ARL13B: variants seen among roughly 807,000 people sequenced by gnomAD.
ARL13B encodes the protein ADP-ribosylation factor-like protein 13B.
Under a neutral mutation model 56.1 loss-of-function variants are expected in ARL13B, and 36 were observed. The ratio of observed to expected loss-of-function variants is 0.64; its 90% CI spans 0.49 to 0.85. The LOEUF (loss-of-function observed/expected upper bound fraction) is 0.85, where lower values mean the gene tolerates loss of function less well. Among genes scored for constraint, ARL13B ranks in the 40% least tolerant of loss-of-function variants. The pLI is 0.00. For synonymous variants in ARL13B, 178 were observed against 171.1 expected, an observed-to-expected ratio of 1.04 and a Z score of -0.32; for missense variants, 519 against 507.1, an observed-to-expected ratio of 1.02 and a Z score of -0.23.
chr3:94,029,331 TATATTTATTTTTTTTTTA>T (rs2076624220), intron 3 of ARL13B, among the ~76,000 whole-genome samples: 1 of 93,768 alleles, frequency 1.1e-5, no homozygotes, highest in Non-Finnish European at 2.0e-5. Flanking sequence ...TATATATATA[TATATTTATTTTTTTTTTA>T]TTTTTTTTTT....
chr3:94,031,307 A>G (rs1436665352), intron 3 of ARL13B, among the ~76,000 whole-genome samples: 3 of 152,070 alleles, frequency 2.0e-5, no homozygotes, highest in East Asian at 1.9e-4. Context: ...GAATAAAACT[A>G]TTTCCTAGCT....
At chr3:94,005,960 G>T (rs865942150) in intron 3 of ARL13B, among the ~76,000 whole-genome samples, 2 of 152,216 alleles carry the variant, frequency 1.3e-5, no homozygotes, top group Middle Eastern at 3.4e-3. Context: ...AATTTCCTAT[G>T]CATGTATATT....
rs773195016 is a variant in ARL13B at position 94,055,355 on chromosome 3, A to G, written c.*2092A>G. 29 of 439,236 alleles carry G rather than the reference A, an allele frequency of 6.6e-5. No individual in the cohort carries two copies. The highest frequency in any genetic ancestry group is 1.3e-4 in the Non-Finnish European group (28 of 218,728). 27.2% of individuals were successfully genotyped at this position (439,236 alleles called of 1,614,324 possible). A position where few individuals can be genotyped will look rare whatever the true frequency, so the allele number is the denominator to read the frequency against. On this transcript the variant is annotated 3_prime_UTR_variant, in exon 10 of 10. Transcript: ENST00000394222. ...ATAAAATAGGTAAAGATTTTAAAAT[A>G]TGATTATTGAAAAACAGTTTAAATC...
intron 3 of ARL13B, among the ~76,000 whole-genome samples, chr3:94,017,138 G>C (rs1464600823): frequency 6.6e-6 from 1 of 152,174 alleles, no homozygotes; most frequent in Non-Finnish European, 1.5e-5. Context: ...GACTAGCATG[G>C]AAAGGATGAG....
At chr3:93,985,007 C>CTCAA (rs71621580) in intron 1 of ARL13B, among the ~76,000 whole-genome samples, 54,933 of 150,816 alleles carry the variant, frequency 0.36, 10,871 homozygotes, top group East Asian at 0.53. Context: ...GAAACCCTGT[C>CTCAA]TCAATCAATC....
chr3:94,051,945 G>A (rs1203129339), intron 9 of ARL13B, among the ~76,000 whole-genome samples: 1 of 151,132 alleles, frequency 6.6e-6, no homozygotes, highest in Non-Finnish European at 1.5e-5. Context: ...AGACAGAAAA[G>A]TTTGTCCTTA....
Position 93,995,861 on chromosome 3 carries a change from C to A in ARL13B, c.60-13C>A, listed in dbSNP as rs774779846. On this transcript the variant is annotated splice_polypyrimidine_tract_variant and intron_variant, in intron 1 of 9. Transcript: ENST00000394222. Reference sequence around the variant, plus strand: ...AACAAAGAAAGTGATTTTTAAATTTCTATTATTTTAAGAAAGGTGACTCTT... The same window carrying A: ...AACAAAGAAAGTGATTTTTAAATTTATATTATTTTAAGAAAGGTGACTCTT... 2 of 1,599,902 alleles carry A rather than the reference C, an allele frequency of 1.3e-6. 1 individual carries two copies. Among genetic ancestry groups the A allele is most frequent in the African/African-American group, 2.7e-5 (2 of 73,974 alleles).
intron 1 of ARL13B, among the ~76,000 whole-genome samples, chr3:93,991,812 G>T (rs2075881899): frequency 6.6e-6 from 1 of 152,172 alleles, no homozygotes; most frequent in Non-Finnish European, 1.5e-5. Flanking sequence ...TAAATTTAAT[G>T]CTTTGTTATC....
intron 1 of ARL13B, among the ~76,000 whole-genome samples, chr3:93,986,084 T>C (rs753397095): frequency 3.2e-4 from 48 of 152,344 alleles, no homozygotes; most frequent in South Asian, 1.0e-3. Context: ...GATTATCTAT[T>C]GTGCTGTATG....
At chr3:94,008,874 T>A (rs1392568003) in intron 3 of ARL13B, among the ~76,000 whole-genome samples, 3 of 152,182 alleles carry the variant, frequency 2.0e-5, no homozygotes, top group African/African-American at 7.2e-5. Context: ...TGGAGTTACA[T>A]GAACTACCTT....
chr3:94,008,681 G>A (rs895527865), intron 3 of ARL13B, among the ~76,000 whole-genome samples: 1 of 152,188 alleles, frequency 6.6e-6, no homozygotes, highest in East Asian at 1.9e-4. Flanking sequence ...TTAAAAGTTG[G>A]CCTCAGAGAG....
rs1219666551 is a variant in ARL13B, at chr3:94,033,696, T to C, written c.381-1635T>C. Among the ~76,000 whole-genome samples, 5 of 152,194 alleles carry C rather than the reference T, an allele frequency of 3.3e-5. No individual in the cohort carries two copies. The South Asian group carries it at 6.2e-4, about 19-fold the overall frequency. On this transcript the variant is annotated intron_variant, in intron 3 of 9. Coordinates refer to ENST00000394222, the MANE Select transcript of ARL13B (RefSeq NM_001174150.2). ...GAACTTTATTTTGGATGGATCAGGC[T>C]AAATGTAAATCCATTAGTTAATTTT...
At chr3:94,009,098 T>TAGAC (rs1285142110) in intron 3 of ARL13B, among the ~76,000 whole-genome samples, 1 of 151,622 alleles carries the variant, frequency 6.6e-6, no homozygotes, top group African/African-American at 2.4e-5. Context: ...GATAGATAGA[T>TAGAC]AGATAGATAG....
In ARL13B at chr3:94,031,281, A is replaced by AT. The variant is rs1021414459; in HGVS notation, c.381-4038dup. 7.9e-3 allele frequency among the ~76,000 whole-genome samples: 1,165 copies of AT among 148,250 alleles called. 8 individuals carry two copies. The highest frequency in any genetic ancestry group is 0.045 in the Middle Eastern group (13 of 288). On this transcript the variant is annotated intron_variant, in intron 3 of 9. Coordinates refer to ENST00000394222, the MANE Select transcript of ARL13B (RefSeq NM_001174150.2). ...AAAATCAACACGAATACATGGTTAG[A>AT]TTTTTTTTTTTTCTAGAATAAAACT... is the stretch of plus-strand genomic sequence containing the variant.
chr3:94,009,074 A>AAGATAGATAGATAGAT (rs58584662), intron 3 of ARL13B, among the ~76,000 whole-genome samples: 1,921 of 143,948 alleles, frequency 0.013, 22 homozygotes, highest in Middle Eastern at 0.018. Flanking sequence ...AGGAGCAGTA[A>AAGATAGATAGATAGAT]AGATAGATAG....
chr3:94,011,399 C>T (rs1305152224), intron 3 of ARL13B, among the ~76,000 whole-genome samples: 1 of 152,140 alleles, frequency 6.6e-6, no homozygotes, highest in Admixed American at 6.5e-5. Flanking sequence ...TTGTTGTTCT[C>T]TCAAAATGAC....
chr3:93,997,678 G>A (rs1575945733), intron 2 of ARL13B, among the ~76,000 whole-genome samples: 2 of 152,164 alleles, frequency 1.3e-5, no homozygotes, highest in South Asian at 4.1e-4. Flanking sequence ...TAGTGTGAAA[G>A]CAGCCATAGA....
intron 1 of ARL13B, among the ~76,000 whole-genome samples, chr3:93,993,286 C>T (rs1022511975): frequency 6.6e-6 from 1 of 151,802 alleles, no homozygotes; most frequent in African/African-American, 2.4e-5. Context: ...CCACCATGCC[C>T]AGCTAATTTT....
intron 3 of ARL13B, among the ~76,000 whole-genome samples, chr3:94,017,798 G>A (rs958828996): frequency 6.6e-6 from 1 of 152,158 alleles, no homozygotes; most frequent in Non-Finnish European, 1.5e-5. Context: ...GTAGGTCTAG[G>A]AGTTGGGTTG....
Sources: gnomAD v4.1 joint callset for allele counts (sites outside exome capture counted in the v4.1 genomes callset) on GRCh38, gnomAD v4.1.1 for gene constraint, MANE v1.5 for transcripts, NCBI Gene and HGNC (gene_info 2026-07-23, HGNC 2026-07-21) for gene names.